The following NEBL variants were observed in gnomAD, a reference collection of about 807,000 sequenced individuals.
The protein encoded by NEBL is LIM and SH3 protein 2.
A neutral mutation model predicts 140.2 loss-of-function variants in NEBL; 122 were observed. The ratio of observed to expected loss-of-function variants is 0.87; its 90% confidence interval spans 0.75 to 1.01. NEBL has a LOEUF of 1.01. NEBL is among the 50% of genes least tolerant of loss of function. NEBL has a pLI of 0.00. For missense variants in NEBL, 1,365 were observed against 1,231.3 expected, an observed-to-expected ratio of 1.11 and a Z score of -1.62; for synonymous variants, 436 against 398.9, an observed-to-expected ratio of 1.09 and a Z score of -1.11.
Position 20,815,666 on chromosome 10 carries a change from C to A in NEBL, c.2200G>T (p.Glu734Ter). 6.2e-7 allele frequency: 1 copy of A among 1,613,146 alleles called. No individual in the cohort carries two copies. Among genetic ancestry groups the A allele is most frequent in the Non-Finnish European group, 8.5e-7 (1 of 1,179,222 alleles). ...TGATTCTTCTTCACTCTTTCCATTT[C>A]AGGAGTTACACTTAAAGTGGTAGCT... ...GRATTLSVTP[E>*]MERVKKNQEN... The change falls in exon 22 of 28, where the codon GAA becomes TAA. Residue 734 changes from glutamate to a stop codon, truncating the protein, a stop_gained. Transcript: ENST00000377122. LOFTEE classifies it high-confidence loss of function.
At chr10:20,910,333 G>A (rs1848277627) in intron 4 of NEBL, among the ~76,000 whole-genome samples, 1 of 152,170 alleles carries the variant, frequency 6.6e-6, no homozygotes, top group Admixed American at 6.5e-5. Context: ...TAACTCATGA[G>A]CTATTTAATC....
At chr10:21,115,652 T>C (rs1206202299) in intron 2 of NEBL, among the ~76,000 whole-genome samples, 3 of 152,270 alleles carry the variant, frequency 2.0e-5, no homozygotes, top group East Asian at 3.9e-4. Flanking sequence ...CCTTTGTCTC[T>C]GACTGCTTTT....
chr10:21,220,111 C>T (rs936402475), intron 3 of NEBL, among the ~76,000 whole-genome samples: 8 of 152,166 alleles, frequency 5.3e-5, no homozygotes, highest in South Asian at 2.1e-4. Context: ...CAGGATTTCA[C>T]CATGTTGGCC....
At chr10:20,831,848 C>G (rs112513911) in intron 14 of NEBL, among the ~76,000 whole-genome samples, 24 of 152,194 alleles carry the variant, frequency 1.6e-4, no homozygotes, top group African/African-American at 5.1e-4. Context: ...GAAAATTTAA[C>G]ATTTCAATAT....
intron 7 of NEBL, among the ~76,000 whole-genome samples, chr10:20,867,248 G>A (rs74123510): frequency 0.058 from 8,864 of 152,098 alleles, 730 homozygotes; most frequent in African/African-American, 0.19. Flanking sequence ...CTTTGAAAGA[G>A]TTAACATTTT....
At chr10:20,924,573 A>G (rs1423930119) in intron 4 of NEBL, among the ~76,000 whole-genome samples, 1 of 151,764 alleles carries the variant, frequency 6.6e-6, no homozygotes, top group East Asian at 1.9e-4. Flanking sequence ...GCACATAACT[A>G]CATATAGGGC....
intron 3 of NEBL, among the ~76,000 whole-genome samples, chr10:20,986,478 C>T (rs1589110515): frequency 6.6e-6 from 1 of 152,146 alleles, no homozygotes; most frequent in African/African-American, 2.4e-5. Flanking sequence ...TACAATCAAC[C>T]CAGCTAATTA....
intron 4 of NEBL, among the ~76,000 whole-genome samples, chr10:20,933,846 TTCTCAAGTGA>T (rs1440227062): frequency 6.6e-6 from 1 of 152,208 alleles, no homozygotes; most frequent in Non-Finnish European, 1.5e-5. Context: ...TCAGTTCTAG[TTCTCAAGTGA>T]GGACGGTTCT....
chr10:20,784,899 A>G lies in NEBL; in HGVS notation c.*848T>C, dbSNP rs1263073420. 6.6e-6 allele frequency: 1 copy of G among 152,578 alleles called. No individual in the cohort carries two copies. Among genetic ancestry groups the G allele is most frequent in the African/African-American group, 2.4e-5 (1 of 41,468 alleles). 9.5% of individuals were successfully genotyped at this position (152,578 alleles called of 1,614,324 possible). A position where few individuals can be genotyped will look rare whatever the true frequency, so the allele number is the denominator to read the frequency against. ...CTAGAGGAAGAAAGGGCTTTTAGGTATCAGTCACCCTTTTTGCTTCAATAA... is the reference window on the plus strand; with the variant it reads ...CTAGAGGAAGAAAGGGCTTTTAGGTGTCAGTCACCCTTTTTGCTTCAATAA... On this transcript the variant is annotated 3_prime_UTR_variant, in exon 28 of 28. Transcript: ENST00000377122.
At chr10:20,861,766 T>C (rs548108021) in intron 7 of NEBL, among the ~76,000 whole-genome samples, 1 of 152,174 alleles carries the variant, frequency 6.6e-6, no homozygotes, top group Admixed American at 6.5e-5. Context: ...TATTTGAAAA[T>C]GATACTGATA....
intron 26 of NEBL, among the ~76,000 whole-genome samples, chr10:20,797,519 G>C (rs1056186149): frequency 3.9e-5 from 6 of 152,106 alleles, no homozygotes; most frequent in African/African-American, 1.4e-4. Flanking sequence ...CCAACAAATA[G>C]ACATATATAA....
At position 20,845,610 on chromosome 10, in the gene NEBL, C is replaced by A. The variant is rs184672858; in HGVS notation, c.1117-242G>T. The A allele has an allele frequency of 2.3e-3, 998 of 426,174 alleles. 7 individuals are homozygous for A. The highest frequency in any genetic ancestry group is 3.7e-3 in the Non-Finnish European group (853 of 232,618). The allele number at this position is 426,174 out of a possible 1,614,324, so 26.4% of individuals were successfully genotyped here. ...AATCATTCTAAGTGAGGCTTCCTAACATCTTACTAGCCTAGGATTAATATC... is the reference window on the plus strand; with the variant it reads ...AATCATTCTAAGTGAGGCTTCCTAAAATCTTACTAGCCTAGGATTAATATC... On this transcript the variant is annotated intron_variant, in intron 11 of 27. Coordinates refer to ENST00000377122, the MANE Select transcript of NEBL (RefSeq NM_006393.3).
intron 2 of NEBL, among the ~76,000 whole-genome samples, chr10:21,106,778 G>A (rs1356497676): frequency 6.6e-6 from 1 of 152,144 alleles, no homozygotes; most frequent in South Asian, 2.1e-4. Flanking sequence ...ACCTTGGGCA[G>A]TATGGCCATT....
chr10:21,084,644 T>G (rs1344900827), intron 2 of NEBL, among the ~76,000 whole-genome samples: 2 of 151,722 alleles, frequency 1.3e-5, no homozygotes, highest in Admixed American at 6.6e-5. Flanking sequence ...CAATGAAGTC[T>G]CTTGAGGGAA....
chr10:21,190,390 A>G (rs1055616823), intron 3 of NEBL, among the ~76,000 whole-genome samples: 2 of 152,158 alleles, frequency 1.3e-5, no homozygotes, highest in Admixed American at 1.3e-4. Context: ...AGACTGAAGC[A>G]GGAGAATTGC....
At chr10:20,991,781 T>C (rs1290523584) in intron 3 of NEBL, among the ~76,000 whole-genome samples, 1 of 139,888 alleles carries the variant, frequency 7.1e-6, no homozygotes, top group East Asian at 2.5e-4. Flanking sequence ...CCTCCCCTTT[T>C]TGGAATCCCC....
chr10:21,112,432 C>T (rs958392930), intron 2 of NEBL, among the ~76,000 whole-genome samples: 1 of 152,072 alleles, frequency 6.6e-6, no homozygotes, highest in African/African-American at 2.4e-5. Flanking sequence ...AGTTCATGTC[C>T]TTTGCAGGGA....
intron 2 of NEBL, among the ~76,000 whole-genome samples, chr10:21,084,064 A>G (rs1036103700): frequency 1.3e-5 from 2 of 152,212 alleles, no homozygotes; most frequent in Non-Finnish European, 2.9e-5. Flanking sequence ...GTTCCCAAGT[A>G]TTTGGGTAGC....
chr10:21,274,227 G>A (rs1842891907), intron 1 of NEBL, among the ~76,000 whole-genome samples: 1 of 152,164 alleles, frequency 6.6e-6, no homozygotes, highest in South Asian at 2.1e-4. Context: ...AGGAAATACA[G>A]TGGACCCTTA....
Sources: gnomAD v4.1 joint callset for allele counts (sites outside exome capture counted in the v4.1 genomes callset) on GRCh38, gnomAD v4.1.1 for gene constraint, MANE v1.5 for transcripts, NCBI Gene and HGNC (gene_info 2026-07-23, HGNC 2026-07-21) for gene names.